Variants in FAT3 observed in about 807,000 individuals in gnomAD.
FAT3 encodes the protein protocadherin Fat 3.
A neutral mutation model predicts 310.2 loss-of-function variants in FAT3; 95 were observed. The ratio of observed to expected loss-of-function variants is 0.31; its 90% confidence interval spans 0.26 to 0.36. The LOEUF is 0.36. FAT3 is among the 10% of genes least tolerant of loss of function. The pLI, the probability that FAT3 is intolerant of heterozygous loss-of-function variation, is 1.00. For synonymous variants in FAT3, 2,314 were observed against 2,192.9 expected, an observed-to-expected ratio of 1.06 and a Z score of -1.54; for missense variants, 5,408 against 5,715.6, an observed-to-expected ratio of 0.95 and a Z score of 1.74.
Position 92,293,795 on chromosome 11 carries a change from G to A in FAT3, c.-17-58301G>A, listed in dbSNP as rs192386206. The stretch of plus-strand genomic sequence containing the variant: ...ATACATCACAGCTTTGCTTTCATAA[G>A]GATCTTTTATTACTCAAAGGTACTC... On this transcript the variant is annotated intron_variant, in intron 1 of 27. Transcript: ENST00000525166. Among the ~76,000 whole-genome samples the A allele has an allele frequency of 3.0e-4, 45 of 151,708 alleles. No individual in the cohort carries two copies. The East Asian group carries it at 5.9e-3, about 20-fold the overall frequency.
In FAT3 at chr11:92,790,037, C is replaced by G. The variant is rs375548582; in HGVS notation, c.4430C>G (p.Thr1477Arg). 6.2e-7 allele frequency: 1 copy of G among 1,613,804 alleles called. No individual in the cohort carries two copies. The highest frequency in any genetic ancestry group is 2.2e-5 in the East Asian group (1 of 44,880). The part of the protein sequence containing the change: ...VTISEDVLPD[T>R]EILQIEATDR... ...ATTTCCGAGGATGTGCTTCCAGACA[C>G]GGAGATCCTGCAGATTGAAGCCACA... The change falls in exon 8 of 28, where the codon ACG (threonine) becomes AGG (arginine). Residue 1477 changes from threonine to arginine, a missense_variant. Coordinates refer to ENST00000525166, the MANE Select transcript of FAT3 (RefSeq NM_001367949.2).
At chr11:92,499,798 C>A (rs12361405) in intron 2 of FAT3, among the ~76,000 whole-genome samples, 9,254 of 151,216 alleles carry the variant, frequency 0.061, 317 homozygotes, top group African/African-American at 0.086. Context: ...CAGAAACTTA[C>A]AAAGTCAGTT....
intron 3 of FAT3, among the ~76,000 whole-genome samples, chr11:92,632,183 C>T (rs1941580829): frequency 1.3e-5 from 2 of 152,202 alleles, no homozygotes; most frequent in South Asian, 4.1e-4. Flanking sequence ...TAGTTTGCTG[C>T]ACAACCTGCC....
intron 1 of FAT3, among the ~76,000 whole-genome samples, chr11:92,282,523 G>T (rs1053702843): frequency 6.6e-6 from 1 of 151,966 alleles, no homozygotes; most frequent in African/African-American, 2.4e-5. Context: ...AAATCAGCTG[G>T]GTGTGGTGGA....
intron 1 of FAT3, among the ~76,000 whole-genome samples, chr11:92,315,196 A>G (rs568637155): frequency 6.6e-6 from 1 of 150,802 alleles, no homozygotes; most frequent in Admixed American, 6.7e-5. Context: ...CTTCTATAGC[A>G]CATCAGGTGT....
intron 2 of FAT3, among the ~76,000 whole-genome samples, chr11:92,371,579 T>G (rs1949188960): frequency 6.6e-6 from 1 of 152,134 alleles, no homozygotes; most frequent in African/African-American, 2.4e-5. Context: ...CAGCCGAGTG[T>G]GGTGGCGCAC....
At chr11:92,609,940 G>A (rs959631580) in intron 3 of FAT3, among the ~76,000 whole-genome samples, 1 of 152,110 alleles carries the variant, frequency 6.6e-6, no homozygotes, top group African/African-American at 2.4e-5. Flanking sequence ...TATTAAGTTT[G>A]AAACTTCGTC....
At chr11:92,307,004 C>G (rs1947159570) in intron 1 of FAT3, among the ~76,000 whole-genome samples, 1 of 150,070 alleles carries the variant, frequency 6.7e-6, no homozygotes, top group South Asian at 2.1e-4. Context: ...TCTATGTTGC[C>G]CAGGCTGATC....
chr11:92,587,024 A>G (rs976938810), intron 3 of FAT3, among the ~76,000 whole-genome samples: 1 of 152,018 alleles, frequency 6.6e-6, no homozygotes, highest in African/African-American at 2.4e-5. Flanking sequence ...TTATTAGTGT[A>G]TGTTTACATA....
chr11:92,533,353 G>A (rs1247540721), intron 3 of FAT3, among the ~76,000 whole-genome samples: 1 of 152,100 alleles, frequency 6.6e-6, no homozygotes, highest in East Asian at 1.9e-4. Context: ...CCATCTTCCA[G>A]TACGTCATAG....
chr11:92,568,098 C>T (rs1955535208), intron 3 of FAT3, among the ~76,000 whole-genome samples: 1 of 152,076 alleles, frequency 6.6e-6, no homozygotes, highest in Non-Finnish European at 1.5e-5. Flanking sequence ...TATTGAATGT[C>T]TCCTAGGCCA....
At chr11:92,840,993 G>T (rs1394868642) in intron 18 of FAT3, among the ~76,000 whole-genome samples, 1 of 152,220 alleles carries the variant, frequency 6.6e-6, no homozygotes, top group African/African-American at 2.4e-5. Context: ...TTCCTGTAGA[G>T]TATGCCCAAC....
intron 2 of FAT3, among the ~76,000 whole-genome samples, chr11:92,357,280 C>A (rs566619504): frequency 2.5e-4 from 38 of 152,284 alleles, no homozygotes; most frequent in African/African-American, 8.9e-4. Flanking sequence ...TAATTACCAA[C>A]TCATGAACTG....
chr11:92,668,169 T>TA (rs1357946740), intron 3 of FAT3, among the ~76,000 whole-genome samples: 1 of 152,244 alleles, frequency 6.6e-6, no homozygotes, highest in Non-Finnish European at 1.5e-5. Context: ...CCAGAGTTCT[T>TA]ATCAGAAGTT....
intron 1 of FAT3, among the ~76,000 whole-genome samples, chr11:92,241,425 T>G (rs2134253043): frequency 6.6e-6 from 1 of 152,242 alleles, no homozygotes; most frequent in East Asian, 1.9e-4. Flanking sequence ...TTCTTTGCTG[T>G]TTCAAGTATT....
At chr11:92,779,898 A>G (rs1946698771) in intron 7 of FAT3, among the ~76,000 whole-genome samples, 1 of 152,160 alleles carries the variant, frequency 6.6e-6, no homozygotes, top group Admixed American at 6.5e-5. Context: ...GAAAGCAGCA[A>G]CATGACAAGG....
chr11:92,719,991 C>A (rs994752859), intron 4 of FAT3, among the ~76,000 whole-genome samples: 1 of 152,012 alleles, frequency 6.6e-6, no homozygotes, highest in African/African-American at 2.4e-5. Flanking sequence ...TCCTGTAGCA[C>A]GTTTAAAGGG....
intron 3 of FAT3, among the ~76,000 whole-genome samples, chr11:92,617,209 C>T (rs1053499061): frequency 3.3e-5 from 5 of 152,118 alleles, no homozygotes; most frequent in Non-Finnish European, 4.4e-5. Context: ...CTTCTCTTCT[C>T]GTTTCATTTC....
intron 4 of FAT3, among the ~76,000 whole-genome samples, chr11:92,705,090 A>T (rs1211793239): frequency 6.6e-6 from 1 of 152,080 alleles, no homozygotes; most frequent in Non-Finnish European, 1.5e-5. Flanking sequence ...TCCTTCCTCC[A>T]TTCTTCTCAG....
Sources: gnomAD v4.1 joint callset for allele counts (sites outside exome capture counted in the v4.1 genomes callset) on GRCh38, gnomAD v4.1.1 for gene constraint, MANE v1.5 for transcripts, NCBI Gene and HGNC (gene_info 2026-07-23, HGNC 2026-07-21) for gene names.